SVEP1: variants seen among roughly 807,000 people sequenced by gnomAD.
The protein encoded by SVEP1 is sushi, von Willebrand factor type A, EGF and pentraxin domain-containing protein 1.
Under a neutral mutation model 367.3 loss-of-function variants are expected in SVEP1, and 164 were observed. That is an observed-to-expected ratio of 0.45 (90% CI 0.39 to 0.51). The LOEUF (loss-of-function observed/expected upper bound fraction) is 0.51, where lower values mean the gene tolerates loss of function less well. Ranked by LOEUF, SVEP1 falls within the 20% of genes least tolerant of loss-of-function variation. SVEP1 has a pLI of 0.00. For missense variants in SVEP1, 4,117 were observed against 4,425.3 expected (o/e 0.93, Z 1.98); for synonymous variants, 1,666 against 1,611.6 (o/e 1.03, Z -0.81).
At chr9:110,562,371 T>A (rs1318150614) in intron 1 of SVEP1, among the ~76,000 whole-genome samples, 1 of 152,192 alleles carries the variant, frequency 6.6e-6, no homozygotes, top group Non-Finnish European at 1.5e-5. Context: ...AGTAACTCTA[T>A]CATTTCAGTT....
rs1242335261 is a variant in SVEP1 at position 110,366,482 on chromosome 9, G to C, written c.*57C>G. 10 of 1,479,092 alleles carry C rather than the reference G, an allele frequency of 6.8e-6. No homozygotes were observed. Among genetic ancestry groups the C allele is most frequent in the Non-Finnish European group, 9.0e-6 (10 of 1,113,542 alleles). 91.6% of individuals were successfully genotyped at this position (1,479,092 alleles called of 1,614,324 possible). Reference sequence around the variant, plus strand: ...CTTTGCATAAGTTCCAGGATGCCCAGGCACTACCGAGGAGAGATGATCCTG... The same window carrying C: ...CTTTGCATAAGTTCCAGGATGCCCACGCACTACCGAGGAGAGATGATCCTG... On this transcript the variant is annotated 3_prime_UTR_variant, in exon 48 of 48. Coordinates refer to ENST00000374469, the MANE Select transcript of SVEP1 (RefSeq NM_153366.4).
At chr9:110,415,760 G>C (rs1828111551) in intron 36 of SVEP1, among the ~76,000 whole-genome samples, 1 of 152,014 alleles carries the variant, frequency 6.6e-6, no homozygotes, top group African/African-American at 2.4e-5. Flanking sequence ...TAAATGCATA[G>C]CTGAGCTGAC....
chr9:110,529,287 A>C (rs1829986176), intron 3 of SVEP1, among the ~76,000 whole-genome samples: 1 of 152,088 alleles, frequency 6.6e-6, no homozygotes, highest in Non-Finnish European at 1.5e-5. Flanking sequence ...TTTGTAGTAT[A>C]ATTTGAAGTT....
chr9:110,392,666 A>G (rs1827683094), intron 40 of SVEP1, among the ~76,000 whole-genome samples: 1 of 152,176 alleles, frequency 6.6e-6, no homozygotes. Flanking sequence ...TGGAAAGACA[A>G]TTCTTCCTCT....
At chr9:110,464,339 T>G (rs1300421214) in intron 18 of SVEP1, among the ~76,000 whole-genome samples, 1 of 152,254 alleles carries the variant, frequency 6.6e-6, no homozygotes, top group Non-Finnish European at 1.5e-5. Context: ...ACTTGCCCAA[T>G]GCCTCAGGTC....
chr9:110,561,737 A>G (rs1350725067), intron 1 of SVEP1, among the ~76,000 whole-genome samples: 2 of 152,226 alleles, frequency 1.3e-5, no homozygotes, highest in East Asian at 1.9e-4. Flanking sequence ...ACAAATAGAT[A>G]AAACAATGAC....
intron 3 of SVEP1, among the ~76,000 whole-genome samples, chr9:110,522,636 G>A (rs544704688): frequency 2.2e-4 from 33 of 152,280 alleles, no homozygotes; most frequent in African/African-American, 7.9e-4. Flanking sequence ...CAGCCCTAAT[G>A]ACCCTTGATT....
intron 3 of SVEP1, among the ~76,000 whole-genome samples, chr9:110,532,441 G>A (rs1830032807): frequency 1.3e-5 from 2 of 152,072 alleles, no homozygotes; most frequent in African/African-American, 2.4e-5. Context: ...GGACACACAA[G>A]GCATGAGGGT....
intron 27 of SVEP1, among the ~76,000 whole-genome samples, chr9:110,439,459 T>A (rs766565099): frequency 6.6e-6 from 1 of 152,114 alleles, no homozygotes; most frequent in Non-Finnish European, 1.5e-5. Flanking sequence ...AGTGGCGCAA[T>A]CTCACCTCAC....
intron 1 of SVEP1, among the ~76,000 whole-genome samples, chr9:110,576,362 A>G (rs80114972): frequency 0.02 from 3,103 of 152,254 alleles, 109 homozygotes; most frequent in African/African-American, 0.064. Context: ...TGGGAATACA[A>G]AGTCAAATTA....
chr9:110,469,963 A>C (rs1828990505), intron 16 of SVEP1, among the ~76,000 whole-genome samples: 1 of 152,222 alleles, frequency 6.6e-6, no homozygotes, highest in Non-Finnish European at 1.5e-5. Context: ...CACACTATAA[A>C]AAACCCAACG....
intron 20 of SVEP1, 147 bp from the exon 21 acceptor site, chr9:110,457,499 A>C (rs7875113): frequency 0.46 from 296,624 of 640,984 alleles, 69,776 homozygotes; most frequent in African/African-American, 0.58. Context: ...TTGCTGCCTG[A>C]ATAACACTGG....
At chr9:110,500,772 A>T (rs541931347) in intron 6 of SVEP1, among the ~76,000 whole-genome samples, 49 of 152,170 alleles carry the variant, frequency 3.2e-4, no homozygotes, top group African/African-American at 1.2e-3. Flanking sequence ...TCTGTATGGC[A>T]ATCCTTGCAT....
intron 16 of SVEP1, among the ~76,000 whole-genome samples, chr9:110,470,977 G>C (rs1008419194): frequency 2.0e-5 from 3 of 151,868 alleles, no homozygotes; most frequent in Non-Finnish European, 2.9e-5. Flanking sequence ...AGCCTCTCTG[G>C]CTTCAGTTTT....
chr9:110,503,561 T>G (rs1829574282), intron 5 of SVEP1, among the ~76,000 whole-genome samples: 1 of 152,190 alleles, frequency 6.6e-6, no homozygotes. Context: ...GCCTTTCCTG[T>G]GATTTTTCAG....
intron 36 of SVEP1, among the ~76,000 whole-genome samples, chr9:110,424,271 T>G (rs192008978): frequency 1.2e-4 from 19 of 152,186 alleles, no homozygotes; most frequent in African/African-American, 4.6e-4. Flanking sequence ...AATTTAGAGA[T>G]AGCTCGTTCT....
In SVEP1 at chr9:110,551,700, T is replaced by C. The variant is rs191306645; in HGVS notation, c.532-1596A>G. Reference sequence around the variant, plus strand: ...TCTTAAAGTTTAAAAAGCTGCCCTCTTGATGAATGACAGGAAGATTTGGAA... The same window carrying C: ...TCTTAAAGTTTAAAAAGCTGCCCTCCTGATGAATGACAGGAAGATTTGGAA... On this transcript the variant is annotated intron_variant, in intron 1 of 47. Coordinates refer to ENST00000374469, the MANE Select transcript of SVEP1 (RefSeq NM_153366.4). Among the ~76,000 whole-genome samples, 5 of 152,216 alleles carry C rather than the reference T, an allele frequency of 3.3e-5. 1 individual carries two copies. The East Asian group carries it at 9.6e-4, about 29-fold the overall frequency.
At chr9:110,528,692 T>C (rs1446677376) in intron 3 of SVEP1, among the ~76,000 whole-genome samples, 1 of 152,056 alleles carries the variant, frequency 6.6e-6, no homozygotes, top group Admixed American at 6.6e-5. Flanking sequence ...GAGTTCCTTG[T>C]GCATTCTGGA....
intron 3 of SVEP1, among the ~76,000 whole-genome samples, chr9:110,522,389 G>T (rs1193560646): frequency 1.3e-5 from 2 of 152,120 alleles, no homozygotes; most frequent in Non-Finnish European, 1.5e-5. Flanking sequence ...GCAAAGCAAG[G>T]TTCTGCATAC....
Sources: allele counts gnomAD v4.1 joint callset (sites outside exome capture counted in the v4.1 genomes callset), GRCh38; gene constraint gnomAD v4.1.1; transcripts MANE v1.5; gene names NCBI Gene and HGNC (gene_info 2026-07-23, HGNC 2026-07-21).